RNF217: variants seen among roughly 807,000 people sequenced by gnomAD.
RNF217 encodes the protein E3 ubiquitin-protein ligase RNF217.
RNF217 carries 31 observed loss-of-function variants against 57.8 expected under a neutral mutation model. That is an observed-to-expected ratio of 0.54 (90% CI 0.40 to 0.72). The LOEUF (loss-of-function observed/expected upper bound fraction) is 0.72. Ranked by LOEUF, RNF217 falls within the 30% of genes least tolerant of loss-of-function variation. The pLI is 0.00. For missense variants in RNF217, 696 were observed against 708.3 expected (o/e 0.98, Z 0.20); for synonymous variants, 313 against 294.0 (o/e 1.06, Z -0.66).
Position 125,087,950 on chromosome 6 carries a change from G to A in RNF217, c.*5013G>A, listed in dbSNP as rs901265148. ...CCAATCCCAAGTTTAAGCATATTTT[G>A]TATTTAAAGTTATAATTTAATTATG... On this transcript the variant is annotated 3_prime_UTR_variant, in exon 6 of 6. Transcript: ENST00000521654. The A allele has an allele frequency of 6.9e-6, 1 of 145,736 alleles. No homozygotes were observed. Among genetic ancestry groups the A allele is most frequent in the African/African-American group, 2.5e-5 (1 of 39,818 alleles). The allele number at this position is 145,736 out of a possible 1,614,324, so 9.0% of individuals were successfully genotyped here. A position where few individuals can be genotyped will look rare whatever the true frequency, so the allele number is the denominator to read the frequency against.
intron 1 of RNF217, among the ~76,000 whole-genome samples, chr6:124,974,515 C>T (rs899966414): frequency 4.1e-4 from 63 of 151,996 alleles, no homozygotes; most frequent in Non-Finnish European, 7.9e-4. Context: ...AATTGAAATA[C>T]GTCAAGGTGT....
At chr6:125,019,531 AT>A (rs1785742851) in intron 1 of RNF217, among the ~76,000 whole-genome samples, 1 of 152,080 alleles carries the variant, frequency 6.6e-6, no homozygotes, top group African/African-American at 2.4e-5. Flanking sequence ...CTAAACCTAA[AT>A]TTTCCCCTTT....
In RNF217 at chr6:125,087,098, G is replaced by A. The variant is rs567139862; in HGVS notation, c.*4161G>A. 1.4e-4 allele frequency: 22 copies of A among 152,176 alleles called. No individual in the cohort carries two copies. Among genetic ancestry groups the A allele is most frequent in the African/African-American group, 4.8e-4 (20 of 41,526 alleles). The allele number at this position is 152,176 out of a possible 1,614,324, so 9.4% of individuals were successfully genotyped here. On this transcript the variant is annotated 3_prime_UTR_variant, in exon 6 of 6. Coordinates refer to ENST00000521654, the MANE Select transcript of RNF217 (RefSeq NM_001286398.3). ...GCCTAAAAACTCACTCTGGTATGTGGGAAACATTAGAATTCCTTCCTGACC... is the reference window on the plus strand; with the variant it reads ...GCCTAAAAACTCACTCTGGTATGTGAGAAACATTAGAATTCCTTCCTGACC...
chr6:124,986,637 A>T (rs1287733363), intron 1 of RNF217, among the ~76,000 whole-genome samples: 2 of 152,182 alleles, frequency 1.3e-5, no homozygotes, highest in African/African-American at 2.4e-5. Context: ...TTATAAGGTT[A>T]TCTCTTCCCT....
intron 1 of RNF217, among the ~76,000 whole-genome samples, chr6:125,033,977 G>C (rs1786485248): frequency 6.6e-6 from 1 of 151,766 alleles, no homozygotes. Flanking sequence ...GTGTCTTTTG[G>C]CTGCATAAAT....
At chr6:125,035,197 C>T (rs371499252) in intron 1 of RNF217, among the ~76,000 whole-genome samples, 1 of 152,044 alleles carries the variant, frequency 6.6e-6, no homozygotes, top group East Asian at 1.9e-4. Flanking sequence ...ATTTCCTTCT[C>T]CTGCCTAATT....
chr6:125,044,887 G>T (rs564281139), intron 1 of RNF217, among the ~76,000 whole-genome samples: 2 of 152,160 alleles, frequency 1.3e-5, no homozygotes, highest in Middle Eastern at 3.4e-3. Context: ...TCTGAATGCT[G>T]TCTAACCCTG....
intron 3 of RNF217, among the ~76,000 whole-genome samples, chr6:125,074,640 C>T (rs541308164): frequency 1.3e-5 from 2 of 152,188 alleles, no homozygotes; most frequent in Admixed American, 1.3e-4. Context: ...TTTCATTTCT[C>T]CTTTCACAGA....
chr6:125,033,576 T>G (rs892906339), intron 1 of RNF217, among the ~76,000 whole-genome samples: 1 of 150,832 alleles, frequency 6.6e-6, no homozygotes, highest in Non-Finnish European at 1.5e-5. Flanking sequence ...TGCCACATTT[T>G]CTTAATCCAG....
chr6:124,965,764 A>G (rs1182478761), intron 1 of RNF217, among the ~76,000 whole-genome samples: 1 of 152,016 alleles, frequency 6.6e-6, no homozygotes, highest in Non-Finnish European at 1.5e-5. Context: ...ATGCCCTGTG[A>G]CTTTCACTGA....
At chr6:124,969,300 A>G (rs568391064) in intron 1 of RNF217, among the ~76,000 whole-genome samples, 2 of 152,360 alleles carry the variant, frequency 1.3e-5, no homozygotes, top group African/African-American at 2.4e-5. Context: ...CTGCCTTTAT[A>G]TAAAGAAAAC....
chr6:125,013,679 A>T (rs1053944884), intron 1 of RNF217, among the ~76,000 whole-genome samples: 5 of 152,294 alleles, frequency 3.3e-5, no homozygotes, highest in Admixed American at 6.5e-5. Flanking sequence ...GAATTCTGAG[A>T]AAATGGATAT....
chr6:125,066,349 C>T (rs1205136508), intron 3 of RNF217, among the ~76,000 whole-genome samples: 2 of 152,146 alleles, frequency 1.3e-5, no homozygotes, highest in East Asian at 1.9e-4. Context: ...CCATAGAACC[C>T]GTCGCCCTCT....
At chr6:125,037,996 T>A (rs1307582869) in intron 1 of RNF217, among the ~76,000 whole-genome samples, 2 of 152,130 alleles carry the variant, frequency 1.3e-5, no homozygotes, top group African/African-American at 4.8e-5. Context: ...TTTGGAGAGT[T>A]TAATTAATTA....
chr6:125,034,012 C>A (rs1786486502), intron 1 of RNF217, among the ~76,000 whole-genome samples: 1 of 151,878 alleles, frequency 6.6e-6, no homozygotes, highest in African/African-American at 2.4e-5. Context: ...AGTGTCTGTT[C>A]ATATCCTTTG....
At chr6:125,050,350 T>C (rs1582752915) in intron 2 of RNF217, among the ~76,000 whole-genome samples, 1 of 151,910 alleles carries the variant, frequency 6.6e-6, no homozygotes, top group African/African-American at 2.4e-5. Context: ...TCTTGATAAT[T>C]TATACAATGG....
At chr6:124,989,518 G>A (rs896977650) in intron 1 of RNF217, among the ~76,000 whole-genome samples, 1 of 152,134 alleles carries the variant, frequency 6.6e-6, no homozygotes, top group East Asian at 1.9e-4. Context: ...CAATGAGAAT[G>A]TCACCTATGA....
chr6:125,030,920 G>A (rs1786328879), intron 1 of RNF217, among the ~76,000 whole-genome samples: 1 of 152,148 alleles, frequency 6.6e-6, no homozygotes. Flanking sequence ...TCTACATGAG[G>A]GCCCTGCCCC....
At chr6:125,063,341 A>G (rs1203016975) in intron 3 of RNF217, among the ~76,000 whole-genome samples, 1 of 152,222 alleles carries the variant, frequency 6.6e-6, no homozygotes, top group African/African-American at 2.4e-5. Context: ...AATTTATTTT[A>G]TTCTAAGGTC....
Sources: allele counts gnomAD v4.1 joint callset (sites outside exome capture counted in the v4.1 genomes callset), GRCh38; gene constraint gnomAD v4.1.1; transcripts MANE v1.5; gene names NCBI Gene and HGNC (gene_info 2026-07-23, HGNC 2026-07-21).